Variants in IGF2BP2 observed in about 807,000 individuals in gnomAD.
IGF2BP2 encodes the protein insulin like growth factor 2 mRNA binding protein 2, also known as insulin-like growth factor 2 mRNA-binding protein 2.
Under a neutral mutation model 75.8 loss-of-function variants are expected in IGF2BP2, and 17 were observed. The ratio of observed to expected loss-of-function variants is 0.22; its 90% CI spans 0.15 to 0.34. The LOEUF (loss-of-function observed/expected upper bound fraction) is 0.34. Among genes scored for constraint, IGF2BP2 ranks in the 10% least tolerant of loss-of-function variants. The probability of loss-of-function intolerance (pLI) is 1.00; values close to 1 mark genes in which losing one functional copy is unlikely to be tolerated. For synonymous variants in IGF2BP2, 288 were observed against 295.6 expected (o/e 0.97, Z 0.26); for missense variants, 516 against 772.4 (o/e 0.67, Z 3.93).
intron 2 of IGF2BP2, among the ~76,000 whole-genome samples, chr3:185,798,326 A>G (rs1294466733): frequency 1.3e-5 from 2 of 152,310 alleles, no homozygotes; most frequent in African/African-American, 4.8e-5. Context: ...TCTACAGTGG[A>G]AAAAGGCATC....
intron 2 of IGF2BP2, among the ~76,000 whole-genome samples, chr3:185,800,298 G>GT (rs1368294902): frequency 6.6e-6 from 1 of 152,188 alleles, no homozygotes; most frequent in African/African-American, 2.4e-5. Flanking sequence ...ACTGGGGGAG[G>GT]TATAGCATTA....
At chr3:185,668,992 G>A (rs1718102237) in intron 10 of IGF2BP2, among the ~76,000 whole-genome samples, 1 of 152,046 alleles carries the variant, frequency 6.6e-6, no homozygotes, top group Admixed American at 6.6e-5. Flanking sequence ...TAACTGAGGG[G>A]CCAAAAATAC....
chr3:185,661,805 A>G (rs1185921762), intron 10 of IGF2BP2, among the ~76,000 whole-genome samples: 3 of 152,084 alleles, frequency 2.0e-5, no homozygotes, highest in Non-Finnish European at 2.9e-5. Context: ...AGTACTGTGA[A>G]AGAAATGAAC....
intron 2 of IGF2BP2, among the ~76,000 whole-genome samples, chr3:185,807,481 C>T (rs1739179729): frequency 6.6e-6 from 1 of 152,124 alleles, no homozygotes. Context: ...AGTTTTACTC[C>T]AAAAGAGGTT....
At chr3:185,731,454 T>A (rs1270043256) in intron 2 of IGF2BP2, among the ~76,000 whole-genome samples, 3 of 151,800 alleles carry the variant, frequency 2.0e-5, no homozygotes, top group African/African-American at 7.3e-5. Flanking sequence ...GGTTTCACCA[T>A]GTTGGCCAGG....
chr3:185,742,896 C>T (rs758790413), intron 2 of IGF2BP2, among the ~76,000 whole-genome samples: 3 of 151,998 alleles, frequency 2.0e-5, no homozygotes, highest in Admixed American at 6.6e-5. Flanking sequence ...GTCAGGAGTT[C>T]GAGACCAGCC....
chr3:185,704,992 AT>A (rs1056009434), intron 2 of IGF2BP2, among the ~76,000 whole-genome samples: 16 of 152,256 alleles, frequency 1.1e-4, no homozygotes, highest in African/African-American at 3.9e-4. Context: ...AGTTTGGGGT[AT>A]TTTTTAAGAG....
rs996088721 is a variant in IGF2BP2, at chr3:185,644,466, A to C, written c.*1065T>G. The C allele has an allele frequency of 1.3e-5, 2 of 152,378 alleles. No individual in the cohort carries two copies. The highest frequency in any genetic ancestry group is 2.9e-5 in the Non-Finnish European group (2 of 68,004). The allele number at this position is 152,378 out of a possible 1,614,324, so 9.4% of individuals were successfully genotyped here. A position where few individuals can be genotyped will look rare whatever the true frequency, so the allele number is the denominator to read the frequency against. On this transcript the variant is annotated 3_prime_UTR_variant, in exon 16 of 16. Transcript: ENST00000382199. Reference sequence around the variant, plus strand: ...GGTGGGTTCCTGTTTTCCTCTTCCAAAACGCTAGGACAAGTACCATTGACT... The same window carrying C: ...GGTGGGTTCCTGTTTTCCTCTTCCACAACGCTAGGACAAGTACCATTGACT...
chr3:185,666,009 GATAGATAGA>G (rs1560253839), intron 10 of IGF2BP2, among the ~76,000 whole-genome samples: 7 of 76,952 alleles, frequency 9.1e-5, no homozygotes, highest in Non-Finnish European at 1.6e-4. Context: ...TACATAGATA[GATAGATAGA>G]TAGATAGATA....
At chr3:185,821,190 A>C in intron 2 of IGF2BP2, 1 of 1,385,058 alleles carries the variant, frequency 7.2e-7, no homozygotes, top group Non-Finnish European at 9.4e-7. Context: ...AAAAAAATTA[A>C]AACCATCCAA....
At chr3:185,795,637 T>A (rs181471039) in intron 2 of IGF2BP2, among the ~76,000 whole-genome samples, 1 of 152,312 alleles carries the variant, frequency 6.6e-6, no homozygotes, top group Non-Finnish European at 1.5e-5. Context: ...TCCCAGCAAT[T>A]TGGGAGGCCA....
chr3:185,729,190 C>T (rs1053599152), intron 2 of IGF2BP2, among the ~76,000 whole-genome samples: 10 of 151,802 alleles, frequency 6.6e-5, no homozygotes, highest in African/African-American at 2.4e-4. Flanking sequence ...ATGCAGAAAA[C>T]ACTATTGCTG....
chr3:185,697,918 C>T (rs547316347), intron 3 of IGF2BP2, among the ~76,000 whole-genome samples: 14 of 151,994 alleles, frequency 9.2e-5, no homozygotes, highest in South Asian at 2.1e-4. Flanking sequence ...TCCCTGGACC[C>T]GGCTGCAGTG....
intron 2 of IGF2BP2, among the ~76,000 whole-genome samples, chr3:185,770,084 G>A (rs1436948678): frequency 6.6e-6 from 1 of 152,138 alleles, no homozygotes; most frequent in African/African-American, 2.4e-5. Flanking sequence ...GAAGGGAAAC[G>A]AATCCTGAGC....
intron 2 of IGF2BP2, chr3:185,713,213 A>T (rs886576987): frequency 2.9e-6 from 1 of 348,200 alleles, no homozygotes; most frequent in African/African-American, 2.1e-5. Context: ...GTCAAAGTTC[A>T]CATTTTCACT....
intron 10 of IGF2BP2, among the ~76,000 whole-genome samples, chr3:185,659,804 T>C: frequency 6.6e-6 from 1 of 151,920 alleles, no homozygotes; most frequent in East Asian, 1.9e-4. Flanking sequence ...TTTGATACTT[T>C]TTTTTTTTTG....
At chr3:185,665,395 G>GAGGAGGAGAAGGAAA (rs1717268301) in intron 10 of IGF2BP2, among the ~76,000 whole-genome samples, 5 of 119,044 alleles carry the variant, frequency 4.2e-5, no homozygotes, top group African/African-American at 1.6e-4. Flanking sequence ...GGAGAAGGAG[G>GAGGAGGAGAAGGAAA]AGGAGGAGAA....
chr3:185,673,907 G>A (rs865985593), intron 9 of IGF2BP2, among the ~76,000 whole-genome samples: 10 of 152,204 alleles, frequency 6.6e-5, no homozygotes, highest in African/African-American at 2.4e-4. Flanking sequence ...TTCACAGAAA[G>A]AGATGTTTAC....
In IGF2BP2 at chr3:185,687,043, G is replaced by A. The variant is rs375225248; in HGVS notation, c.812+14C>T. On this transcript the variant is annotated intron_variant, in intron 7 of 15. Coordinates refer to ENST00000382199, the MANE Select transcript of IGF2BP2 (RefSeq NM_006548.6). The stretch of plus-strand genomic sequence containing the variant: ...TTCTCTGTTGAGTGATCTGGGCATT[G>A]CATGCAAACTTACAGTTTGGTCTCA... The A allele has an allele frequency of 3.9e-5, 63 of 1,610,508 alleles. 1 individual carries two copies. The African/African-American group carries it at 6.3e-4, about 16-fold the overall frequency.
Sources: gnomAD v4.1 joint callset for allele counts (sites outside exome capture counted in the v4.1 genomes callset) on GRCh38, gnomAD v4.1.1 for gene constraint, MANE v1.5 for transcripts, NCBI Gene and HGNC (gene_info 2026-07-23, HGNC 2026-07-21) for gene names.